Variants in SHROOM4 observed in about 807,000 individuals in gnomAD.
The protein encoded by SHROOM4 is shroom family member 4.
Under a neutral mutation model 80.3 loss-of-function variants are expected in SHROOM4, and 17 were observed. The ratio of observed to expected loss-of-function variants is 0.21; its 90% CI spans 0.14 to 0.32. The LOEUF (loss-of-function observed/expected upper bound fraction) is 0.32, where lower values mean the gene tolerates loss of function less well. Ranked by LOEUF, SHROOM4 falls within the 10% of genes least tolerant of loss-of-function variation. The pLI is 1.00. For synonymous variants in SHROOM4, 400 were observed against 437.5 expected (o/e 0.91, Z 1.07); for missense variants, 993 against 1,140.3 (o/e 0.87, Z 1.86).
intron 1 of SHROOM4, among the ~76,000 whole-genome samples, chrX:50,773,147 T>C (rs782613341): frequency 8.9e-6 from 1 of 112,527 alleles, no homozygotes; most frequent in East Asian, 2.8e-4. Context: ...TGAGTACTAC[T>C]ATTACTACTA....
Position 50,602,762 on chromosome X carries a change from G to A in SHROOM4, c.3813C>T (p.Thr1271=), listed in dbSNP as rs1557247893. ...AAATATTGTAATAAGCTGAGTAAGA[G>A]GTAGGGATTCCTGGGGCCCCTGAAG... ...SPPSGAPGIP[T]SYSAYYNISV... is the part of the protein sequence containing the mutation. Residue 1271 remains threonine (T), a synonymous_variant, in exon 7 of 9, where the codon ACC becomes ACT. Transcript: ENST00000376020. 1 of 1,211,317 alleles carries A rather than the reference G, an allele frequency of 8.3e-7. No homozygotes were observed. Among genetic ancestry groups the A allele is most frequent in the Admixed American group, 2.2e-5 (1 of 46,001 alleles).
intron 1 of SHROOM4, among the ~76,000 whole-genome samples, chrX:50,712,041 T>G (rs1933831137): frequency 8.9e-6 from 1 of 112,356 alleles, no homozygotes; most frequent in African/African-American, 3.2e-5. Context: ...TGGTTATTGT[T>G]GAAATTACAC....
rs1177099960 is a variant in SHROOM4, at chrX:50,633,381, G to A, written c.2692C>T (p.His898Tyr). Residue 898 changes from histidine to tyrosine, a missense_variant, in exon 4 of 9, where the codon CAT (histidine) becomes TAT (tyrosine). His to Tyr is a moderately conservative substitution (Grantham distance 83). Coordinates refer to ENST00000376020, the MANE Select transcript of SHROOM4 (RefSeq NM_020717.5). ...YSCSVQGALV[H>Y]DPCIYCSGEI... ...CCAGAACAATAAATGCAAGGATCATGGACTAGAGCTCCTTGAACACTGCAG... is the reference window on the plus strand; with the variant it reads ...CCAGAACAATAAATGCAAGGATCATAGACTAGAGCTCCTTGAACACTGCAG... The A allele has an allele frequency of 2.5e-6, 3 of 1,211,891 alleles. No individual in the cohort carries two copies. The highest frequency in any genetic ancestry group is 3.4e-6 in the Non-Finnish European group (3 of 895,452).
At chrX:50,710,765 A>T (rs1442529080) in intron 1 of SHROOM4, among the ~76,000 whole-genome samples, 3 of 111,954 alleles carry the variant, frequency 2.7e-5, no homozygotes, top group African/African-American at 9.7e-5. Flanking sequence ...TACACACCCA[A>T]TTCCTTGAAG....
intron 1 of SHROOM4, among the ~76,000 whole-genome samples, chrX:50,728,419 C>A (rs1934290376): frequency 1.8e-5 from 2 of 112,090 alleles, no homozygotes; most frequent in Admixed American, 1.9e-4. Context: ...TCACCAACAT[C>A]ACTGGACATC....
chrX:50,586,257 A>AT (rs781947103), downstream of SHROOM4, among the ~76,000 whole-genome samples: 27 of 111,605 alleles, frequency 2.4e-4, no homozygotes, highest in East Asian at 7.0e-3. Context: ...ACAAGTTGTT[A>AT]TTTTTTCAGC....
intron 1 of SHROOM4, among the ~76,000 whole-genome samples, chrX:50,725,992 T>TG (rs1934234815): frequency 8.9e-6 from 1 of 111,787 alleles, no homozygotes; most frequent in Non-Finnish European, 1.9e-5. Flanking sequence ...ACATGCTGAT[T>TG]GATGGTGTTA....
At chrX:50,630,181 A>G (rs1557253859) in intron 4 of SHROOM4, among the ~76,000 whole-genome samples, 1 of 110,595 alleles carries the variant, frequency 9.0e-6, no homozygotes. Flanking sequence ...TCTCTTATAG[A>G]GCTGCTGGTC....
intron 2 of SHROOM4, among the ~76,000 whole-genome samples, chrX:50,668,447 A>T (rs980398548): frequency 2.9e-4 from 33 of 112,117 alleles, no homozygotes; most frequent in African/African-American, 1.1e-3. Flanking sequence ...TCCACATGGC[A>T]GTAATATGGC....
chrX:50,800,293 A>C (rs1289724268), intron 1 of SHROOM4, among the ~76,000 whole-genome samples: 1 of 112,267 alleles, frequency 8.9e-6, no homozygotes, highest in Non-Finnish European at 1.9e-5. Flanking sequence ...GACTCTTCTT[A>C]CATATTATCT....
intron 1 of SHROOM4, among the ~76,000 whole-genome samples, chrX:50,758,205 T>G (rs1557268572): frequency 8.9e-6 from 1 of 111,922 alleles, no homozygotes; most frequent in East Asian, 2.8e-4. Flanking sequence ...AAAGACAAAT[T>G]AGCTTTTTTT....
intron 1 of SHROOM4, among the ~76,000 whole-genome samples, chrX:50,774,378 A>C (rs1179496530): frequency 1.8e-5 from 2 of 111,557 alleles, no homozygotes; most frequent in African/African-American, 6.5e-5. Flanking sequence ...TCAGAAAAAA[A>C]CACCTTGGGA....
chrX:50,596,794 G>A lies in SHROOM4; in HGVS notation c.4383C>T (p.Leu1461=). 8.3e-7 allele frequency: 1 copy of A among 1,211,826 alleles called. No homozygotes were observed. Among genetic ancestry groups the A allele is most frequent in the Non-Finnish European group, 1.1e-6 (1 of 895,417 alleles). Residue 1461 remains leucine (L), a synonymous_variant, in exon 9 of 9, where the codon CTC becomes CTT. Transcript: ENST00000376020. The part of the protein sequence containing the change: ...YQHFVKMKSA[L]IIEQRELEEK... ...CCTCCAGCTCTCGCTGTTCAATGAT[G>A]AGAGCAGATTTCATCTTGACAAAGT...
Position 50,611,144 on chromosome X carries a change from C to CTTT in SHROOM4, c.2958-2963_2958-2961dup, listed in dbSNP as rs782473243. On this transcript the variant is annotated intron_variant, in intron 5 of 8. Coordinates refer to ENST00000376020, the MANE Select transcript of SHROOM4 (RefSeq NM_020717.5). ...AGTACAGACCATATTTTCTTTTTTTCTTTTTTTTTTTTTTTTTTTTTTGAG... is the reference window on the plus strand; with the variant it reads ...AGTACAGACCATATTTTCTTTTTTTCTTTTTTTTTTTTTTTTTTTTTTTTTGAG... Among the ~76,000 whole-genome samples the CTTT allele has an allele frequency of 6.7e-4, 46 of 68,202 alleles. 3 individuals carry two copies. Among genetic ancestry groups the CTTT allele is most frequent in the Admixed American group, 1.9e-3 (10 of 5,154 alleles). 59.2% of individuals were successfully genotyped at this position (68,202 alleles called of 115,157 possible). A position where few individuals can be genotyped will look rare whatever the true frequency, so the allele number is the denominator to read the frequency against.
chrX:50,788,157 C>T (rs868929275), intron 1 of SHROOM4, among the ~76,000 whole-genome samples: 10 of 111,224 alleles, frequency 9.0e-5, no homozygotes, highest in African/African-American at 2.3e-4. Flanking sequence ...AAAAATAAAA[C>T]GATAGGTAAA....
chrX:50,718,618 C>T (rs1934029410), intron 1 of SHROOM4, among the ~76,000 whole-genome samples: 2 of 111,574 alleles, frequency 1.8e-5, no homozygotes, highest in Admixed American at 1.9e-4. Context: ...ACCTTGTGGT[C>T]ATCCAGGAGC....
intron 1 of SHROOM4, among the ~76,000 whole-genome samples, chrX:50,811,254 C>T (rs1330183667): frequency 9.0e-6 from 1 of 110,643 alleles, no homozygotes; most frequent in Non-Finnish European, 1.9e-5. Context: ...ATGCAGTGAG[C>T]CGAGCTGGCA....
intron 1 of SHROOM4, among the ~76,000 whole-genome samples, chrX:50,698,415 C>T (rs1219509898): frequency 9.0e-6 from 1 of 111,420 alleles, no homozygotes; most frequent in Non-Finnish European, 1.9e-5. Flanking sequence ...TACTTTAGTG[C>T]AAGTCTGAAG....
intron 5 of SHROOM4, among the ~76,000 whole-genome samples, chrX:50,614,161 T>C (rs1930123084): frequency 8.9e-6 from 1 of 112,232 alleles, no homozygotes; most frequent in Non-Finnish European, 1.9e-5. Flanking sequence ...CAAGACTCAA[T>C]TGTCAAAAAA....
Sources: gnomAD v4.1 joint callset for allele counts (sites outside exome capture counted in the v4.1 genomes callset) on GRCh38, gnomAD v4.1.1 for gene constraint, MANE v1.5 for transcripts, NCBI Gene and HGNC (gene_info 2026-07-23, HGNC 2026-07-21) for gene names.